The following SLC16A4 variants were observed in gnomAD, a reference collection of about 807,000 sequenced individuals.
SLC16A4 encodes solute carrier family 16 member 4.
In SLC16A4, 39 loss-of-function variants were observed where a neutral mutation model predicts 47.9. The ratio of observed to expected loss-of-function variants is 0.81; its 90% confidence interval spans 0.63 to 1.06. The LOEUF (loss-of-function observed/expected upper bound fraction) is 1.06. Ranked by LOEUF, SLC16A4 falls within the 50% of genes least tolerant of loss-of-function variation. SLC16A4 has a pLI of 0.00. For missense variants in SLC16A4, 524 were observed against 573.8 expected (o/e 0.91, Z 0.89); for synonymous variants, 189 against 199.9 (o/e 0.95, Z 0.46).
intron 3 of SLC16A4, 42 bp from the exon 4 acceptor site, chr1:110,381,837 T>G (rs920848762): frequency 6.3e-7 from 1 of 1,574,912 alleles, no homozygotes; most frequent in Non-Finnish European, 8.7e-7. Context: ...TAAATAATGA[T>G]CTGGCATCCC....
At chr1:110,367,390 C>T (rs554202393) in intron 8 of SLC16A4, among the ~76,000 whole-genome samples, 26 of 152,320 alleles carry the variant, frequency 1.7e-4, no homozygotes, top group African/African-American at 6.3e-4. Context: ...TGCCTATAAT[C>T]TTAGCACTTT....
rs561769031 is a variant in SLC16A4 at position 110,377,652 on chromosome 1, A to C, written c.1031-491T>G. ...CATAATTGCATACGAAGTTTTAGGA[A>C]GTAAGTCCTCCAAAGTTTATGCTTA... is the stretch of plus-strand genomic sequence containing the variant. On this transcript the variant is annotated intron_variant, in intron 6 of 8. Transcript: ENST00000369779. Among the ~76,000 whole-genome samples, 10 of 152,308 alleles carry C rather than the reference A, an allele frequency of 6.6e-5. No individual in the cohort carries two copies. The South Asian group carries it at 1.9e-3, about 28-fold the overall frequency.
Position 110,363,683 on chromosome 1 carries a change from G to T in SLC16A4, c.*83C>A. 2.3e-6 allele frequency: 3 copies of T among 1,288,670 alleles called. No homozygotes were observed. The highest frequency in any genetic ancestry group is 1.7e-5 in the South Asian group (1 of 59,704). 79.8% of individuals were successfully genotyped at this position (1,288,670 alleles called of 1,614,324 possible). On this transcript the variant is annotated 3_prime_UTR_variant, in exon 9 of 9. Transcript: ENST00000369779. The stretch of plus-strand genomic sequence containing the variant: ...CATGTTACAAATGTAGATGCGATGT[G>T]TTTCTTTCAAGCTTTTGTTTCCAAT...
chr1:110,383,044 T>G, intron 2 of SLC16A4, 78 bp from the exon 3 acceptor site: 1 of 1,340,242 alleles, frequency 7.5e-7, no homozygotes, highest in Non-Finnish European at 1.0e-6. Context: ...CTAGAAGTTA[T>G]GATTCCCTCA....
At position 110,379,164 on chromosome 1, in the gene SLC16A4, C is replaced by T. The variant is rs776360748; in HGVS notation, c.719G>A (p.Ser240Asn). The T allele has an allele frequency of 1.2e-6, 2 of 1,614,198 alleles. No individual in the cohort carries two copies. Among genetic ancestry groups the T allele is most frequent in the African/African-American group, 1.3e-5 (1 of 75,052 alleles). The stretch of plus-strand genomic sequence containing the variant: ...AGGTAGTCCAGCCTTCTGCGTAGTA[C>T]TGTCCTTGATGGTAGACTCTTCTGT... ...HETEESTIKD[S>N]TTQKAGLPSK... The change falls in exon 6 of 9, where the codon AGT (serine) becomes AAT (asparagine). Residue 240 changes from serine to asparagine, a missense_variant. Coordinates refer to ENST00000369779, the MANE Select transcript of SLC16A4 (RefSeq NM_004696.3).
chr1:110,388,871 C>T (rs749927676), intron 2 of SLC16A4, among the ~76,000 whole-genome samples: 7 of 152,182 alleles, frequency 4.6e-5, no homozygotes, highest in Non-Finnish European at 7.4e-5. Context: ...CCACTGCACT[C>T]AGCTAATTTT....
At chr1:110,375,768 G>C (rs1378245124) in intron 7 of SLC16A4, among the ~76,000 whole-genome samples, 1 of 152,168 alleles carries the variant, frequency 6.6e-6, no homozygotes, top group Non-Finnish European at 1.5e-5. Flanking sequence ...TTATTAGTAA[G>C]AACACAAGTT....
chr1:110,389,257 T>C lies in SLC16A4; in HGVS notation c.67A>G (p.Ile23Val). Residue 23 changes from isoleucine to valine, a missense_variant, in exon 2 of 9, where the codon ATT becomes GTT. Transcript: ENST00000369779. ...CTTACCAGGAAAAAATGAATCACAA[T>C]CATCCATCCCCATCCTCCATCCAGG... ...KTLDGGWGWM[I>V]VIHFFLVNVF... 1 of 1,613,920 alleles carries C rather than the reference T, an allele frequency of 6.2e-7. No homozygotes were observed. The highest frequency in any genetic ancestry group is 8.5e-7 in the Non-Finnish European group (1 of 1,179,812).
At chr1:110,369,042 C>T (rs1182136683) in intron 8 of SLC16A4, among the ~76,000 whole-genome samples, 1 of 151,580 alleles carries the variant, frequency 6.6e-6, no homozygotes, top group Middle Eastern at 3.2e-3. Flanking sequence ...GCAACCTCCT[C>T]CTCCTGGGTT....
chr1:110,363,722 G>A lies in SLC16A4; in HGVS notation c.*44C>T, dbSNP rs1414079032. The A allele has an allele frequency of 6.5e-7, 1 of 1,528,604 alleles. No homozygotes were observed. The highest frequency in any genetic ancestry group is 2.2e-5 in the Admixed American group (1 of 45,398). The allele number at this position is 1,528,604 out of a possible 1,614,324, so 94.7% of individuals were successfully genotyped here. A position where few individuals can be genotyped will look rare whatever the true frequency, so the allele number is the denominator to read the frequency against. On this transcript the variant is annotated 3_prime_UTR_variant, in exon 9 of 9. Transcript: ENST00000369779. Reference sequence around the variant, plus strand: ...TTTGTTTCCAATGACATTAGTTTAGGTTTTCTTTTGTTTAGCTCTCACTTG... The same window carrying A: ...TTTGTTTCCAATGACATTAGTTTAGATTTTCTTTTGTTTAGCTCTCACTTG...
At chr1:110,380,058 CAAAAA>C (rs542273389) in intron 5 of SLC16A4, among the ~76,000 whole-genome samples, 1 of 96,274 alleles carries the variant, frequency 1.0e-5, no homozygotes, top group Admixed American at 1.2e-4. Flanking sequence ...GAGCCTGTCT[CAAAAA>C]AAAAAAAAAA....
rs540099221 is a variant in SLC16A4, at chr1:110,383,824, T to G, written c.88-858A>C. On this transcript the variant is annotated intron_variant, in intron 2 of 8. Coordinates refer to ENST00000369779, the MANE Select transcript of SLC16A4 (RefSeq NM_004696.3). ...AAGGAGGTTTTTTTTTTTTTTTTTT[T>G]TTTTTTTTGGAAACGGCTGTTAGTT... Among the ~76,000 whole-genome samples, 625 of 146,734 alleles carry G rather than the reference T, an allele frequency of 4.3e-3. 11 individuals are homozygous for G. Among genetic ancestry groups the G allele is most frequent in the African/African-American group, 0.015 (571 of 39,074 alleles).
At chr1:110,388,860 G>T (rs1009115616) in intron 2 of SLC16A4, among the ~76,000 whole-genome samples, 2 of 152,182 alleles carry the variant, frequency 1.3e-5, no homozygotes, top group African/African-American at 4.8e-5. Context: ...ACAGGTGCAT[G>T]CCACTGCACT....
At chr1:110,366,918 T>C (rs1227832733) in intron 8 of SLC16A4, among the ~76,000 whole-genome samples, 1 of 152,262 alleles carries the variant, frequency 6.6e-6, no homozygotes, top group African/African-American at 2.4e-5. Flanking sequence ...ATCATTGAGA[T>C]ATTTGTATTT....
chr1:110,380,848 T>C, intron 5 of SLC16A4, 134 bp downstream of exon 5: 1 of 751,090 alleles, frequency 1.3e-6, no homozygotes, highest in Non-Finnish European at 2.3e-6. Context: ...ACTTTAGAAA[T>C]TATGCTCATT....
chr1:110,365,328 TCTC>T (rs1205883818), intron 8 of SLC16A4, among the ~76,000 whole-genome samples: 1 of 151,996 alleles, frequency 6.6e-6, no homozygotes. Context: ...GCTTGTTTCA[TCTC>T]CTCTTTGTTC....
intron 2 of SLC16A4, among the ~76,000 whole-genome samples, chr1:110,387,753 G>C (rs1662807548): frequency 6.6e-6 from 1 of 152,160 alleles, no homozygotes. Context: ...ATGATTTAGG[G>C]GGGTGGCCCA....
intron 7 of SLC16A4, 131 bp from the exon 8 acceptor site, chr1:110,375,682 C>CT (rs1661960117): frequency 1.8e-6 from 1 of 549,418 alleles, no homozygotes; most frequent in Admixed American, 3.0e-5. Flanking sequence ...AGTTGGTTGG[C>CT]TTTTTGCCCC....
intron 8 of SLC16A4, chr1:110,371,982 TA>T (rs1330188438): frequency 1.3e-5 from 2 of 152,164 alleles, no homozygotes; most frequent in Non-Finnish European, 2.9e-5. Flanking sequence ...GAAAGAAATG[TA>T]AGCAATTGAG....
Sources: allele counts gnomAD v4.1 joint callset (sites outside exome capture counted in the v4.1 genomes callset), GRCh38; gene constraint gnomAD v4.1.1; transcripts MANE v1.5; gene names NCBI Gene and HGNC (gene_info 2026-07-23, HGNC 2026-07-21).